The following DYNC2H1 variants were observed in gnomAD, a reference collection of about 807,000 sequenced individuals.
DYNC2H1 encodes dynein cytoplasmic 2 heavy chain 1.
DYNC2H1 carries 410 observed loss-of-function variants against 570.0 expected under a neutral mutation model. That is an observed-to-expected ratio of 0.72 (90% CI 0.66 to 0.78). DYNC2H1 has a LOEUF of 0.78. DYNC2H1 is among the 30% of genes least tolerant of loss of function. The pLI is 0.00. For missense variants in DYNC2H1, 4,865 were observed against 5,046.4 expected (o/e 0.96, Z 1.09); for synonymous variants, 1,688 against 1,677.6 (o/e 1.01, Z -0.15).
chr11:103,349,106 G>T (rs1317412773), intron 82 of DYNC2H1, among the ~76,000 whole-genome samples: 1 of 152,080 alleles, frequency 6.6e-6, no homozygotes, highest in African/African-American at 2.4e-5. Flanking sequence ...ATTAATGCAG[G>T]CTTCTACATT....
chr11:103,474,838 G>T (rs1409580808), intron 88 of DYNC2H1, among the ~76,000 whole-genome samples: 4 of 152,134 alleles, frequency 2.6e-5, no homozygotes, highest in Non-Finnish European at 5.9e-5. Flanking sequence ...TTGGGGCCTT[G>T]GAATGTATTC....
chr11:103,343,616 T>C (rs1024885298), intron 82 of DYNC2H1, among the ~76,000 whole-genome samples: 1 of 152,080 alleles, frequency 6.6e-6, no homozygotes. Flanking sequence ...TTCCTATTCA[T>C]ATGACGAGAA....
chr11:103,210,999 T>C (rs1863134835), intron 53 of DYNC2H1, among the ~76,000 whole-genome samples: 3 of 152,022 alleles, frequency 2.0e-5, no homozygotes, highest in Admixed American at 2.0e-4. Context: ...GGAAAATAGA[T>C]TGGTAATAGG....
intron 55 of DYNC2H1, among the ~76,000 whole-genome samples, chr11:103,217,612 A>G (rs1320414940): frequency 6.6e-6 from 1 of 152,210 alleles, no homozygotes; most frequent in Non-Finnish European, 1.5e-5. Context: ...CTTAGTGTAG[A>G]ACATGAAATT....
intron 82 of DYNC2H1, among the ~76,000 whole-genome samples, chr11:103,346,886 A>T (rs1351298840): frequency 6.6e-6 from 1 of 152,232 alleles, no homozygotes; most frequent in East Asian, 1.9e-4. Context: ...GACAATTATT[A>T]TCAAAGGTTG....
Position 103,199,421 on chromosome 11 carries a change from C to T in DYNC2H1, c.8033C>T (p.Ser2678Phe). The T allele has an allele frequency of 6.2e-7, 1 of 1,611,894 alleles. No individual in the cohort carries two copies. Residue 2678 changes from serine to phenylalanine, a missense_variant, in exon 49 of 89, where the codon TCT becomes TTT. This residue lies in a region of DYNC2H1 where 2,401 missense variants were observed against 2,454.6 expected (regional missense o/e 0.98). Transcript: ENST00000375735. This position sits in a 1 kb window ranked among gnomAD's most constrained non-coding sequence, Gnocchi z 4.6. ...CACATGCATGGAGCGGTCCTGTTTT[C>T]TCCAAAGATTTCCAGAGGATATGAA... ...VSHMHGAVLF[S>F]PKISRGYELK...
chr11:103,192,434 T>C (rs916466009), intron 47 of DYNC2H1, among the ~76,000 whole-genome samples, 170 bp downstream of exon 47: 53 of 152,194 alleles, frequency 3.5e-4, no homozygotes, highest in African/African-American at 1.2e-3. Context: ...TCAGTAATCA[T>C]GTTTCAATCA....
chr11:103,376,196 C>T (rs1941383759), intron 83 of DYNC2H1, among the ~76,000 whole-genome samples: 1 of 152,174 alleles, frequency 6.6e-6, no homozygotes, highest in Admixed American at 6.5e-5. Context: ...TGAGGCCTCC[C>T]CAGCCAGGCA....
intron 52 of DYNC2H1, among the ~76,000 whole-genome samples, chr11:103,207,570 A>G (rs772768527): frequency 2.0e-5 from 3 of 152,070 alleles, no homozygotes; most frequent in Non-Finnish European, 4.4e-5. Flanking sequence ...TTATCCCCTG[A>G]GGGAAAGAAT....
At chr11:103,212,125 AT>A (rs1030686569) in intron 54 of DYNC2H1, among the ~76,000 whole-genome samples, 182 bp downstream of exon 54, 2 of 151,822 alleles carry the variant, frequency 1.3e-5, no homozygotes, top group African/African-American at 4.8e-5. Flanking sequence ...GATGATTTGT[AT>A]TTTTTTTAAA....
intron 84 of DYNC2H1, among the ~76,000 whole-genome samples, chr11:103,412,349 C>T (rs992463446): frequency 6.6e-6 from 1 of 152,012 alleles, no homozygotes; most frequent in Non-Finnish European, 1.5e-5. Flanking sequence ...TTTTTAAATA[C>T]ACAATATTTA....
At chr11:103,240,522 A>AATGC (rs1200388397) in intron 63 of DYNC2H1, among the ~76,000 whole-genome samples, 1 of 152,120 alleles carries the variant, frequency 6.6e-6, no homozygotes, top group African/African-American at 2.4e-5. Flanking sequence ...TTTTCTCAGT[A>AATGC]ATGCAAGCTA....
rs575871967 is a variant in DYNC2H1 at position 103,265,243 on chromosome 11, G to A, written c.10695+5266G>A. 5.9e-5 allele frequency among the ~76,000 whole-genome samples: 9 copies of A among 152,238 alleles called. No individual in the cohort carries two copies. The East Asian group carries it at 1.7e-3, about 29-fold the overall frequency. On this transcript the variant is annotated intron_variant, in intron 70 of 88. Coordinates refer to ENST00000375735, the MANE Select transcript of DYNC2H1 (RefSeq NM_001377.3). ...CGGTAAAAAGTGAGTGAGAACATTAGGACAAATACCTAATGCAGGTAGGGC... is the reference window on the plus strand; with the variant it reads ...CGGTAAAAAGTGAGTGAGAACATTAAGACAAATACCTAATGCAGGTAGGGC...
chr11:103,437,920 A>AAT, intron 85 of DYNC2H1, among the ~76,000 whole-genome samples: 1 of 151,980 alleles, frequency 6.6e-6, no homozygotes, highest in African/African-American at 2.4e-5. Context: ...ACAATTTTAC[A>AAT]TGAATTATTG....
chr11:103,398,568 T>TA (rs1164583679), intron 83 of DYNC2H1, among the ~76,000 whole-genome samples: 1 of 152,114 alleles, frequency 6.6e-6, no homozygotes, highest in Non-Finnish European at 1.5e-5. Context: ...TGGCAACTAG[T>TA]AGAATGAGGA....
intron 82 of DYNC2H1, among the ~76,000 whole-genome samples, chr11:103,327,776 G>A (rs1037127583): frequency 3.3e-5 from 5 of 152,162 alleles, no homozygotes; most frequent in Non-Finnish European, 5.9e-5. Flanking sequence ...CAAGAGCCAA[G>A]GATGTGGGGG....
chr11:103,124,120 A>G (rs1031452579), intron 11 of DYNC2H1, among the ~76,000 whole-genome samples: 1 of 152,086 alleles, frequency 6.6e-6, no homozygotes, highest in Admixed American at 6.6e-5. Context: ...ACCTTCTAAT[A>G]CCTGCAATTT....
At chr11:103,212,710 G>A (rs936678501) in intron 54 of DYNC2H1, among the ~76,000 whole-genome samples, 1 of 151,924 alleles carries the variant, frequency 6.6e-6, no homozygotes, top group Non-Finnish European at 1.5e-5. Context: ...GTTTCCCTTT[G>A]TTAGGGTAGT....
rs35986938 is a variant in DYNC2H1, at chr11:103,395,492, T to TACAC, written c.12157-4150_12157-4147dup. 2.5e-3 allele frequency among the ~76,000 whole-genome samples: 369 copies of TACAC among 149,930 alleles called. 2 individuals carry two copies. The highest frequency in any genetic ancestry group is 8.4e-3 in the African/African-American group (343 of 40,802). ...TATCATATATATATTTATGTATATGTACACACACACACACACACACACACT... is the reference window on the plus strand; with the variant it reads ...TATCATATATATATTTATGTATATGTACACACACACACACACACACACACACACT... On this transcript the variant is annotated intron_variant, in intron 83 of 88. Coordinates refer to ENST00000375735, the MANE Select transcript of DYNC2H1 (RefSeq NM_001377.3). This position sits in a 1 kb window ranked among gnomAD's most constrained non-coding sequence, Gnocchi z 4.3.
Sources: allele counts gnomAD v4.1 joint callset (sites outside exome capture counted in the v4.1 genomes callset), GRCh38; gene constraint gnomAD v4.1.1; regional missense constraint gnomAD v4.1.1; non-coding constraint Gnocchi (gnomAD v3.1); transcripts MANE v1.5; gene names NCBI Gene and HGNC (gene_info 2026-07-23, HGNC 2026-07-21).